The following IMMP2L variants were observed in gnomAD, a reference collection of about 807,000 sequenced individuals.
IMMP2L encodes inner mitochondrial membrane peptidase subunit 2.
Under a neutral mutation model 19.3 loss-of-function variants are expected in IMMP2L, and 18 were observed. The ratio of observed to expected loss-of-function variants is 0.93; its 90% CI spans 0.64 to 1.38. The LOEUF is 1.38. IMMP2L is among the 40% of genes most tolerant of loss of function. IMMP2L has a pLI of 0.00. For missense variants in IMMP2L, 233 were observed against 218.2 expected (o/e 1.07, Z -0.43); for synonymous variants, 76 against 73.0 (o/e 1.04, Z -0.21).
chr7:110,824,613 C>T (rs369805503), intron 5 of IMMP2L, among the ~76,000 whole-genome samples: 5 of 151,978 alleles, frequency 3.3e-5, no homozygotes, highest in Non-Finnish European at 5.9e-5. Context: ...AGAGATACTC[C>T]ATCCCCGACC....
intron 3 of IMMP2L, among the ~76,000 whole-genome samples, chr7:111,351,379 C>A (rs942016712): frequency 6.6e-6 from 1 of 151,932 alleles, no homozygotes; most frequent in Non-Finnish European, 1.5e-5. Flanking sequence ...TTAGTAGAGA[C>A]GGGGTTTCAC....
At chr7:110,956,927 T>C (rs958421483) in intron 4 of IMMP2L, among the ~76,000 whole-genome samples, 4 of 152,024 alleles carry the variant, frequency 2.6e-5, no homozygotes, top group Non-Finnish European at 5.9e-5. Context: ...TTTTATGGTT[T>C]TCTAAAACAA....
intron 2 of IMMP2L, among the ~76,000 whole-genome samples, chr7:111,497,668 C>T (rs371338921): frequency 6.6e-6 from 1 of 151,912 alleles, no homozygotes; most frequent in Non-Finnish European, 1.5e-5. Context: ...AAGAGAGTAA[C>T]TTATAATGGT....
intron 4 of IMMP2L, among the ~76,000 whole-genome samples, chr7:110,918,517 G>A (rs959534854): frequency 5.4e-5 from 8 of 148,386 alleles, no homozygotes; most frequent in East Asian, 4.0e-4. Flanking sequence ...GTGCAATGGC[G>A]CGATCTCGGC....
chr7:111,242,665 C>A (rs924361343), intron 3 of IMMP2L, among the ~76,000 whole-genome samples: 2 of 151,930 alleles, frequency 1.3e-5, no homozygotes, highest in South Asian at 4.1e-4. Flanking sequence ...ATTCTGAAGG[C>A]CTCGTGCATC....
intron 3 of IMMP2L, chr7:111,392,952 T>C (rs1000722008): frequency 2.7e-5 from 11 of 414,504 alleles, no homozygotes; most frequent in South Asian, 1.2e-4. Flanking sequence ...TCGCCAATTA[T>C]AAAAGTCTCA....
intron 3 of IMMP2L, among the ~76,000 whole-genome samples, chr7:111,152,078 T>C (rs1248874750): frequency 6.6e-6 from 1 of 152,126 alleles, no homozygotes; most frequent in African/African-American, 2.4e-5. Flanking sequence ...AAAAATACTA[T>C]GGTGTTAGGG....
chr7:110,887,670 G>A lies in IMMP2L; in HGVS notation c.306-975C>T, dbSNP rs555360904. 6.7e-5 allele frequency among the ~76,000 whole-genome samples: 10 copies of A among 148,632 alleles called. No individual in the cohort carries two copies. The East Asian group carries it at 1.6e-3, about 23-fold the overall frequency. On this transcript the variant is annotated intron_variant, in intron 4 of 5. Coordinates refer to ENST00000405709, the MANE Select transcript of IMMP2L (RefSeq NM_032549.4). ...TAAATTATGATACAACCAACTAAAC[G>A]AAAGAGACAGGCTTACAATAAAATA...
chr7:111,242,988 T>C (rs1477917548), intron 3 of IMMP2L, among the ~76,000 whole-genome samples: 3 of 152,124 alleles, frequency 2.0e-5, no homozygotes, highest in Non-Finnish European at 4.4e-5. Flanking sequence ...AAAAAGGAGA[T>C]CTTAAAATAT....
At chr7:110,951,102 G>A (rs988161363) in intron 4 of IMMP2L, among the ~76,000 whole-genome samples, 1 of 151,036 alleles carries the variant, frequency 6.6e-6, no homozygotes, top group Non-Finnish European at 1.5e-5. Flanking sequence ...AGTAGAAGGG[G>A]GTTACCAGGA....
rs372772326 is a variant in IMMP2L, at chr7:110,952,196, G to T, written c.305+11304C>A. On this transcript the variant is annotated intron_variant, in intron 4 of 5. Transcript: ENST00000405709. ...ATCAAAGGAAGGTACAAAAGTTACT[G>T]TTTCTCTATATCACTACTTGGAGTT... Among the ~76,000 whole-genome samples the T allele has an allele frequency of 2.7e-3, 407 of 152,188 alleles. 1 individual carries two copies. Among genetic ancestry groups the T allele is most frequent in the African/African-American group, 9.3e-3 (388 of 41,534 alleles).
intron 3 of IMMP2L, among the ~76,000 whole-genome samples, chr7:111,056,616 A>C (rs1477839741): frequency 1.3e-5 from 2 of 152,170 alleles, no homozygotes; most frequent in South Asian, 4.1e-4. Context: ...ACTCCCTCTA[A>C]AATTTAACTA....
intron 3 of IMMP2L, among the ~76,000 whole-genome samples, chr7:111,174,445 T>C (rs1285556787): frequency 6.6e-6 from 1 of 151,720 alleles, no homozygotes; most frequent in East Asian, 1.9e-4. Context: ...CCACAGTCTA[T>C]ATTTTTATTG....
chr7:111,372,633 A>T (rs1830355537), intron 3 of IMMP2L, among the ~76,000 whole-genome samples: 1 of 151,834 alleles, frequency 6.6e-6, no homozygotes, highest in African/African-American at 2.4e-5. Flanking sequence ...TTTTTTTAAC[A>T]TAAGCAAATT....
At chr7:111,536,214 A>T (rs909431202) in intron 1 of IMMP2L, among the ~76,000 whole-genome samples, 9 of 152,188 alleles carry the variant, frequency 5.9e-5, no homozygotes, top group Admixed American at 2.0e-4. Context: ...TAAATCAGGT[A>T]ATTTCATTTT....
intron 5 of IMMP2L, among the ~76,000 whole-genome samples, chr7:110,684,935 C>A (rs147436812): frequency 6.6e-6 from 1 of 152,124 alleles, no homozygotes; most frequent in Non-Finnish European, 1.5e-5. Context: ...TTTGAAACAA[C>A]AGTTCCAAAT....
intron 4 of IMMP2L, among the ~76,000 whole-genome samples, chr7:110,910,596 A>T (rs1374293940): frequency 6.6e-6 from 1 of 152,152 alleles, no homozygotes; most frequent in African/African-American, 2.4e-5. Context: ...ATTACATGTT[A>T]GTCACTGAGT....
intron 4 of IMMP2L, among the ~76,000 whole-genome samples, chr7:110,917,460 A>C (rs773850302): frequency 1.3e-5 from 2 of 152,222 alleles, no homozygotes; most frequent in Non-Finnish European, 2.9e-5. Context: ...TACGTTTCTT[A>C]CAGTCTTCTT....
chr7:111,196,747 A>C (rs1310560980), intron 3 of IMMP2L, among the ~76,000 whole-genome samples: 2 of 152,148 alleles, frequency 1.3e-5, no homozygotes. Flanking sequence ...TGGTTCCTTC[A>C]AAATTTTTCA....
Sources: gnomAD v4.1 joint callset for allele counts (sites outside exome capture counted in the v4.1 genomes callset) on GRCh38, gnomAD v4.1.1 for gene constraint, MANE v1.5 for transcripts, NCBI Gene and HGNC (gene_info 2026-07-23, HGNC 2026-07-21) for gene names.